Variants in TANC1 observed in about 807,000 individuals in gnomAD.
TANC1 encodes the protein tetratricopeptide repeat, ankyrin repeat and coiled-coil containing 1, also known as protein TANC1.
Under a neutral mutation model 149.7 loss-of-function variants are expected in TANC1, and 77 were observed. The observed-to-expected ratio is 0.51, with a 90% CI of 0.43 to 0.62. TANC1 has a LOEUF of 0.62. Among genes scored for constraint, TANC1 ranks in the 20% least tolerant of loss-of-function variants. The probability of loss-of-function intolerance (pLI) is 0.00; values close to 1 mark genes in which losing one functional copy is unlikely to be tolerated. For synonymous variants in TANC1, 854 were observed against 925.0 expected, an observed-to-expected ratio of 0.92 and a Z score of 1.39; for missense variants, 1,985 against 2,321.8, an observed-to-expected ratio of 0.85 and a Z score of 2.98.
intron 4 of TANC1, 148 bp from the exon 5 acceptor site, chr2:159,136,046 G>GTGTGTGTGTGTGTT (rs2050667274): frequency 2.8e-5 from 7 of 247,176 alleles, no homozygotes; most frequent in South Asian, 2.1e-4. Context: ...GTGTGTGTGT[G>GTGTGTGTGTGTGTT]TGTGCGCGCG....
intron 2 of TANC1, chr2:159,004,159 T>A: frequency 6.2e-7 from 1 of 1,612,378 alleles, no homozygotes; most frequent in Non-Finnish European, 8.5e-7. Flanking sequence ...TTAAGTCAGC[T>A]TGGTGCTGAC....
Position 159,194,458 on chromosome 2 carries a change from A to C in TANC1, c.2944A>C (p.Lys982Gln), listed in dbSNP as rs2057702250. ...TTACGCAGCAGCTGCTGGCCACATG[A>C]AGCTGGTGTGTCTGCTGACCAAGAA... ...LCYAAAAGHM[K>Q]LVCLLTKKGV... The change falls in exon 17 of 27, where the codon AAG becomes CAG. Residue 982 changes from lysine to glutamine, a missense_variant. Lys to Gln is a moderately conservative substitution (Grantham distance 53). This residue lies in a region of TANC1 where 508 missense variants were observed against 714.2 expected (regional missense o/e 0.71). Transcript: ENST00000263635. 6.2e-7 allele frequency: 1 copy of C among 1,614,112 alleles called. No individual in the cohort carries two copies. Among genetic ancestry groups the C allele is most frequent in the African/African-American group, 1.3e-5 (1 of 74,948 alleles).
intron 19 of TANC1, among the ~76,000 whole-genome samples, chr2:159,206,359 C>T (rs1292559640): frequency 1.3e-5 from 2 of 152,196 alleles, no homozygotes; most frequent in African/African-American, 2.4e-5. Context: ...CCTGGTCTCA[C>T]AGACCCCTGG....
intron 5 of TANC1, among the ~76,000 whole-genome samples, chr2:159,143,215 A>G (rs2051622507): frequency 6.6e-6 from 1 of 152,170 alleles, no homozygotes; most frequent in South Asian, 2.1e-4. Context: ...ATGGTTTCCC[A>G]AGACTTTTCA....
chr2:159,106,105 A>T (rs189380378), intron 4 of TANC1, among the ~76,000 whole-genome samples: 5 of 152,240 alleles, frequency 3.3e-5, no homozygotes, highest in Non-Finnish European at 7.4e-5. Flanking sequence ...GCATTTTTTT[A>T]AAAAACAGCT....
rs537406032 is a variant in TANC1, at chr2:159,163,354, C to T, written c.754C>T (p.Leu252=). The change falls in exon 8 of 27, where the codon CTA becomes TTA. Residue 252 remains leucine, a synonymous_variant. Coordinates refer to ENST00000263635, the MANE Select transcript of TANC1 (RefSeq NM_033394.3). The part of the protein sequence containing the change: ...SSLEWNKDGN[L]RLGVQKGVLH... Reference sequence around the variant, plus strand: ...TTTGGAATGGAATAAAGATGGAAACCTAAGATTAGGGGTTCAGAAGGGAGT... The same window carrying T: ...TTTGGAATGGAATAAAGATGGAAACTTAAGATTAGGGGTTCAGAAGGGAGT... 7.4e-6 allele frequency: 12 copies of T among 1,614,134 alleles called. No individual in the cohort carries two copies. The East Asian group carries it at 2.7e-4, about 36-fold the overall frequency.
intron 11 of TANC1, among the ~76,000 whole-genome samples, chr2:159,173,184 T>A (rs2055441248): frequency 6.6e-6 from 1 of 152,226 alleles, no homozygotes; most frequent in Non-Finnish European, 1.5e-5. Flanking sequence ...AGATACATCT[T>A]ACACTAGAGA....
At position 159,196,614 on chromosome 2, in the gene TANC1, C is replaced by A; in HGVS notation, c.2986C>A (p.His996Asn). 6.3e-7 allele frequency: 1 copy of A among 1,597,198 alleles called. No homozygotes were observed. Among genetic ancestry groups the A allele is most frequent in the Non-Finnish European group, 8.6e-7 (1 of 1,169,246 alleles). Residue 996 changes from histidine (H) to asparagine (N), a missense_variant, in exon 18 of 27, where the codon CAC (histidine) becomes AAC (asparagine). Physicochemically the swap from His to Asn is moderately conservative, Grantham distance 68. Around this residue, in one of 3 missense-constraint regions of TANC1, gnomAD observed 508 missense variants for 714.2 expected, o/e 0.71. Transcript: ENST00000263635. Reference sequence around the variant, plus strand: ...CCCCTACTCCTGCCCCCAGGTGGACCACTTGGATAAGAAGGGCCAGTGTGC... The same window carrying A: ...CCCCTACTCCTGCCCCCAGGTGGACAACTTGGATAAGAAGGGCCAGTGTGC... ...LLTKKGVRVDHLDKKGQCALV... is the reference protein window; with the variant it reads ...LLTKKGVRVDNLDKKGQCALV...
chr2:159,095,321 C>A (rs113386461), intron 3 of TANC1, among the ~76,000 whole-genome samples: 2 of 152,212 alleles, frequency 1.3e-5, no homozygotes, highest in Admixed American at 6.5e-5. Flanking sequence ...CTTTAGTTTC[C>A]CAGGTTTATA....
chr2:159,191,422 A>G (rs946136273), intron 16 of TANC1, among the ~76,000 whole-genome samples: 1 of 152,180 alleles, frequency 6.6e-6, no homozygotes, highest in Non-Finnish European at 1.5e-5. Context: ...ACTGGAGCAG[A>G]GCCCTGCAGG....
chr2:159,066,047 T>C, intron 3 of TANC1, 76 bp downstream of exon 3: 1 of 1,196,128 alleles, frequency 8.4e-7, no homozygotes, highest in Non-Finnish European at 1.3e-6. Context: ...CCGGATGGAT[T>C]TGTTGCTTTG....
intron 4 of TANC1, among the ~76,000 whole-genome samples, chr2:159,110,176 G>A (rs113901302): frequency 3.3e-5 from 5 of 152,300 alleles, no homozygotes; most frequent in African/African-American, 7.2e-5. Flanking sequence ...AAGAGAAAGC[G>A]TTGAGACTAT....
chr2:159,117,701 CTTTTTTTTTTTTTTTTTTT>C (rs59509568), intron 4 of TANC1, among the ~76,000 whole-genome samples: 1 of 113,282 alleles, frequency 8.8e-6, no homozygotes, highest in East Asian at 3.5e-4. Context: ...CGGCCTATTC[CTTTTTTTTTTTTTTTTTTT>C]TTTTTTTTTT....
At position 159,179,082 on chromosome 2, in the gene TANC1, G is replaced by T. The variant is rs764550543; in HGVS notation, c.2429G>T (p.Arg810Leu). Reference protein sequence around the residue: ...CFLIKRRDKTRMFCHPSFREW... With the variant: ...CFLIKRRDKTLMFCHPSFREW... ...CTCATTAAGAGGCGAGACAAAACCC[G>T]CATGTTCTGCCACCCGTCCTTCAGG... The change falls in exon 14 of 27, where the codon CGC becomes CTC. Residue 810 changes from arginine (R) to leucine (L), a missense_variant. Arg to Leu is a moderately radical substitution (Grantham distance 102, BLOSUM62 -2). This residue lies in a region of TANC1 where 508 missense variants were observed against 714.2 expected (regional missense o/e 0.71). Coordinates refer to ENST00000263635, the MANE Select transcript of TANC1 (RefSeq NM_033394.3). 1 of 1,613,792 alleles carries T rather than the reference G, an allele frequency of 6.2e-7. No homozygotes were observed. Among genetic ancestry groups the T allele is most frequent in the Admixed American group, 1.7e-5 (1 of 59,974 alleles).
chr2:159,003,853 A>C, intron 2 of TANC1: 2 of 1,610,734 alleles, frequency 1.2e-6, no homozygotes, highest in Admixed American at 3.3e-5. Context: ...GCATGAATCA[A>C]GAAAAGTTAG....
At chr2:159,203,708 A>G (rs911131975) in intron 19 of TANC1, among the ~76,000 whole-genome samples, 4 of 124,414 alleles carry the variant, frequency 3.2e-5, no homozygotes, top group Non-Finnish European at 6.8e-5. Context: ...CTAGGACTAC[A>G]GGCATGAGCC....
chr2:159,073,843 A>G (rs1455240086), intron 3 of TANC1, among the ~76,000 whole-genome samples: 3 of 152,224 alleles, frequency 2.0e-5, no homozygotes, highest in Non-Finnish European at 4.4e-5. Flanking sequence ...CATATAATCT[A>G]CTGGCAAGTG....
chr2:159,217,115 T>C (rs1366880422), intron 19 of TANC1, among the ~76,000 whole-genome samples: 1 of 152,164 alleles, frequency 6.6e-6, no homozygotes, highest in African/African-American at 2.4e-5. Context: ...AGATGGGACA[T>C]GCATGTGGCT....
chr2:159,222,658 T>G (rs2059776371), intron 22 of TANC1, among the ~76,000 whole-genome samples: 1 of 152,206 alleles, frequency 6.6e-6, no homozygotes, highest in Non-Finnish European at 1.5e-5. Flanking sequence ...CTTAGGTTGC[T>G]TCTATGTTTT....
Sources: allele counts gnomAD v4.1 joint callset (sites outside exome capture counted in the v4.1 genomes callset), GRCh38; gene constraint gnomAD v4.1.1; regional missense constraint gnomAD v4.1.1; transcripts MANE v1.5; gene names NCBI Gene and HGNC (gene_info 2026-07-23, HGNC 2026-07-21).